Variants in TMEM51 observed in about 807,000 individuals in gnomAD.
The protein encoded by TMEM51 is transmembrane protein 51, also known as chromosome 1 open reading frame 72.
In TMEM51, 8 loss-of-function variants were observed where a neutral mutation model predicts 13.6. The observed-to-expected ratio is 0.59, with a 90% confidence interval of 0.35 to 1.07. TMEM51 has a LOEUF of 1.07. Ranked by LOEUF, TMEM51 falls within the 50% of genes least tolerant of loss-of-function variation. The probability of loss-of-function intolerance (pLI) is 0.02; values close to 1 mark genes in which losing one functional copy is unlikely to be tolerated. For synonymous variants in TMEM51, 147 were observed against 144.4 expected (o/e 1.02, Z -0.13); for missense variants, 279 against 330.7 (o/e 0.84, Z 1.21).
chr1:15,215,470 A>AG (rs1644416901), intron 3 of TMEM51, 39 bp downstream of exon 3: 1 of 1,533,380 alleles, frequency 6.5e-7, no homozygotes, highest in Non-Finnish European at 8.8e-7. Flanking sequence ...CGGATCGGGG[A>AG]TGGGCACGCA....
chr1:15,189,745 A>G (rs1430367225), intron 1 of TMEM51, among the ~76,000 whole-genome samples: 2 of 152,222 alleles, frequency 1.3e-5, no homozygotes, highest in Non-Finnish European at 2.9e-5. Context: ...CAAAGATGAC[A>G]TGCAAAATGT....
chr1:15,196,931 ACT>A (rs1644062023), intron 1 of TMEM51, among the ~76,000 whole-genome samples: 1 of 152,140 alleles, frequency 6.6e-6, no homozygotes, highest in South Asian at 2.1e-4. Context: ...GAGACAGAAA[ACT>A]CAGTGTAATG....
chr1:15,157,899 A>C (rs902420262), intron 1 of TMEM51, among the ~76,000 whole-genome samples: 14 of 152,200 alleles, frequency 9.2e-5, no homozygotes, highest in African/African-American at 2.9e-4. Flanking sequence ...CACTGTTAAT[A>C]TGGTGGCGTT....
In TMEM51 at chr1:15,215,019, G is replaced by A. The variant is rs1259977672; in HGVS notation, c.-69G>A. The A allele has an allele frequency of 2.8e-6, 4 of 1,448,452 alleles. No individual in the cohort carries two copies. 89.7% of individuals were successfully genotyped at this position (1,448,452 alleles called of 1,614,324 possible). The stretch of plus-strand genomic sequence containing the variant: ...TGTGGAGCGCATTTAAGGGGTTTTT[G>A]TTGTGACTGCTGCCTTGTATACATT... On this transcript the variant is annotated 5_prime_UTR_variant, in exon 3 of 4. Transcript: ENST00000376008.
chr1:15,205,297 G>A (rs1017204412), intron 1 of TMEM51, among the ~76,000 whole-genome samples: 4 of 152,158 alleles, frequency 2.6e-5, no homozygotes, highest in Non-Finnish European at 2.9e-5. Context: ...ACAATGCACC[G>A]ACAGCTTGTG....
chr1:15,187,458 G>A (rs903693254), intron 1 of TMEM51, among the ~76,000 whole-genome samples: 1 of 152,218 alleles, frequency 6.6e-6, no homozygotes, highest in Non-Finnish European at 1.5e-5. Flanking sequence ...AGGGCAGAGG[G>A]TGGTGATGCC....
intron 1 of TMEM51, among the ~76,000 whole-genome samples, chr1:15,155,001 T>C (rs1459711687): frequency 6.6e-6 from 1 of 152,164 alleles, no homozygotes; most frequent in East Asian, 1.9e-4. Flanking sequence ...TTTGAATGGG[T>C]TACCCGGAGA....
chr1:15,203,907 A>G (rs1644203783), intron 1 of TMEM51, among the ~76,000 whole-genome samples: 2 of 152,238 alleles, frequency 1.3e-5, no homozygotes, highest in African/African-American at 4.8e-5. Flanking sequence ...GAGCTGAGAT[A>G]CAAACCCGGC....
intron 1 of TMEM51, among the ~76,000 whole-genome samples, chr1:15,193,584 T>C (rs1363127141): frequency 7.0e-6 from 1 of 142,842 alleles, no homozygotes; most frequent in Non-Finnish European, 1.5e-5. Flanking sequence ...TCTTTTTTTT[T>C]TTTTTTTTTT....
upstream of TMEM51, among the ~76,000 whole-genome samples, chr1:15,153,508 G>C (rs905171013): frequency 8.8e-6 from 1 of 113,572 alleles, no homozygotes; most frequent in African/African-American, 3.3e-5. Context: ...GGCTGGCAAG[G>C]GTTGGGGAGA....
At chr1:15,180,276 C>T (rs1217062972) in intron 1 of TMEM51, among the ~76,000 whole-genome samples, 2 of 152,080 alleles carry the variant, frequency 1.3e-5, no homozygotes, top group African/African-American at 4.8e-5. Context: ...GGTCCCAGGG[C>T]TGTCTCCTGA....
intron 1 of TMEM51, among the ~76,000 whole-genome samples, chr1:15,169,384 C>CA (rs1557834612): frequency 6.7e-6 from 1 of 148,522 alleles, no homozygotes; most frequent in African/African-American, 2.5e-5. Context: ...ATCTGAGAGA[C>CA]TTTTTTTTTT....
intron 1 of TMEM51, among the ~76,000 whole-genome samples, chr1:15,187,010 C>T (rs894382821): frequency 3.3e-5 from 5 of 152,102 alleles, no homozygotes; most frequent in South Asian, 2.1e-4. Flanking sequence ...ACCCCACTGT[C>T]GGGGGGTATG....
At chr1:15,153,655 G>T (rs1642474664), upstream of TMEM51, 1 of 152,044 alleles carries the variant, frequency 6.6e-6, no homozygotes, top group Admixed American at 6.5e-5. Flanking sequence ...AGGGTCGGCC[G>T]GTGGGCGGTG....
At chr1:15,214,757 G>T (rs1222755197) in intron 2 of TMEM51, 138 bp from the exon 3 acceptor site, 6 of 278,292 alleles carry the variant, frequency 2.2e-5, no homozygotes, top group Non-Finnish European at 4.1e-5. Flanking sequence ...CATCTGGAAT[G>T]CATCAAAGGC....
chr1:15,163,455 C>A (rs1642863767), intron 1 of TMEM51, among the ~76,000 whole-genome samples: 1 of 151,936 alleles, frequency 6.6e-6, no homozygotes, highest in African/African-American at 2.4e-5. Context: ...CTTTCCACCC[C>A]CACCTACCTC....
chr1:15,181,882 G>A (rs765294800), intron 1 of TMEM51, among the ~76,000 whole-genome samples: 43 of 152,216 alleles, frequency 2.8e-4, no homozygotes, highest in Non-Finnish European at 4.7e-4. Flanking sequence ...GTGACTGTCC[G>A]GGAGTGGTGT....
intron 1 of TMEM51, among the ~76,000 whole-genome samples, chr1:15,204,949 G>A (rs1644223265): frequency 6.6e-6 from 1 of 152,124 alleles, no homozygotes; most frequent in Non-Finnish European, 1.5e-5. Flanking sequence ...ACCTGGAGAA[G>A]GTTCGAGGTG....
intron 1 of TMEM51, among the ~76,000 whole-genome samples, chr1:15,171,561 G>T (rs906184326): frequency 1.3e-5 from 2 of 152,190 alleles, no homozygotes; most frequent in African/African-American, 2.4e-5. Flanking sequence ...GCTGGATGCA[G>T]AATGGAGGAC....
Sources: allele counts gnomAD v4.1 joint callset (sites outside exome capture counted in the v4.1 genomes callset), GRCh38; gene constraint gnomAD v4.1.1; transcripts MANE v1.5; gene names NCBI Gene and HGNC (gene_info 2026-07-23, HGNC 2026-07-21).